The following SEC14L2 variants were observed in gnomAD, a reference collection of about 807,000 sequenced individuals.
SEC14L2 encodes SEC14-like protein 2.
SEC14L2 carries 50 observed loss-of-function variants against 56.9 expected under a neutral mutation model. That is an observed-to-expected ratio of 0.88 (90% CI 0.70 to 1.11). SEC14L2 has a LOEUF of 1.11. Among genes scored for constraint, SEC14L2 ranks in the 50% most tolerant of loss-of-function variants. The pLI is 0.00. For missense variants in SEC14L2, 414 were observed against 500.7 expected (o/e 0.83, Z 1.65); for synonymous variants, 179 against 188.5 (o/e 0.95, Z 0.41).
intron 8 of SEC14L2, among the ~76,000 whole-genome samples, chr22:30,413,200 A>G (rs961991551): frequency 1.4e-4 from 22 of 152,222 alleles, no homozygotes; most frequent in Non-Finnish European, 1.5e-5. Flanking sequence ...GCTCAAGAGC[A>G]GGCAGAGAAA....
In SEC14L2 at chr22:30,397,096, C is replaced by T. The variant is rs1409843679; in HGVS notation, c.-21C>T. 3 of 1,547,656 alleles carry T rather than the reference C, an allele frequency of 1.9e-6. No individual in the cohort carries two copies. The highest frequency in any genetic ancestry group is 2.8e-5 in the African/African-American group (2 of 72,588). On this transcript the variant is annotated 5_prime_UTR_variant, in exon 1 of 12. Transcript: ENST00000615189. ...CCCGCCGCCTCCCGCCCCCAAACCC[C>T]ATCCCCGCGGTTGAGCCACGATGAG...
rs780764888 is a variant in SEC14L2 at position 30,409,179 on chromosome 22, C to G, written c.424-8C>G. 1.2e-6 allele frequency: 2 copies of G among 1,613,028 alleles called. No individual in the cohort carries two copies. The highest frequency in any genetic ancestry group is 2.2e-5 in the South Asian group (2 of 91,066). On this transcript the variant is annotated splice_region_variant and splice_polypyrimidine_tract_variant and intron_variant, in intron 5 of 11. Transcript: ENST00000615189. ...CTGACAAGACTTCCTGCTCTCTGTTCCCTGCAGTTGGGGAGGAAGGTGGAG... is the reference window on the plus strand; with the variant it reads ...CTGACAAGACTTCCTGCTCTCTGTTGCCTGCAGTTGGGGAGGAAGGTGGAG...
chr22:30,422,485 C>A lies in SEC14L2; in HGVS notation c.*78C>A. On this transcript the variant is annotated 3_prime_UTR_variant, in exon 12 of 12. Transcript: ENST00000615189. The stretch of plus-strand genomic sequence containing the variant: ...ACCCCTTGTAGCAGTCATTTTCGCA[C>A]AACCCTGAAGCCCAAAGAAACTGGG... 1 of 1,574,894 alleles carries A rather than the reference C, an allele frequency of 6.3e-7. No homozygotes were observed. The highest frequency in any genetic ancestry group is 8.6e-7 in the Non-Finnish European group (1 of 1,156,788).
intron 4 of SEC14L2, 106 bp from the exon 5 acceptor site, chr22:30,407,309 G>C: frequency 6.9e-7 from 1 of 1,457,460 alleles, no homozygotes; most frequent in Non-Finnish European, 9.5e-7. Context: ...TGGTACCCAG[G>C]AGAGGGAGGT....
At chr22:30,402,805 A>G (rs1363231438) in intron 2 of SEC14L2, among the ~76,000 whole-genome samples, 3 of 151,644 alleles carry the variant, frequency 2.0e-5, no homozygotes, top group African/African-American at 7.3e-5. Context: ...AAGGCCTGGC[A>G]TGGTGGTTCA....
intron 8 of SEC14L2, 117 bp downstream of exon 8, chr22:30,410,796 C>A: frequency 1.1e-6 from 1 of 908,334 alleles, no homozygotes; most frequent in Non-Finnish European, 1.8e-6. Flanking sequence ...AGTTTGGGAG[C>A]AGTGGGACCC....
intron 11 of SEC14L2, among the ~76,000 whole-genome samples, chr22:30,417,178 T>C (rs551991221): frequency 3.0e-4 from 45 of 152,312 alleles, no homozygotes; most frequent in African/African-American, 1.0e-3. Flanking sequence ...CAAATAAGCA[T>C]GAAACACAGC....
chr22:30,404,394 T>G (rs1417025601), intron 2 of SEC14L2, among the ~76,000 whole-genome samples: 2 of 152,128 alleles, frequency 1.3e-5, no homozygotes, highest in Admixed American at 1.3e-4. Flanking sequence ...AAGGGACTGA[T>G]TTTCATAACG....
At chr22:30,413,703 T>C (rs1934313054) in intron 8 of SEC14L2, among the ~76,000 whole-genome samples, 1 of 152,100 alleles carries the variant, frequency 6.6e-6, no homozygotes, top group African/African-American at 2.4e-5. Flanking sequence ...ATTTTCCAAA[T>C]GTATGCTAGT....
At chr22:30,397,486 G>A in intron 1 of SEC14L2, 1 of 395,268 alleles carries the variant, frequency 2.5e-6, no homozygotes, top group Non-Finnish European at 4.5e-6. Context: ...CCTCGGGACT[G>A]GCAGCCGGGC....
chr22:30,415,974 G>T lies in SEC14L2; in HGVS notation c.798G>T (p.Arg266Ser). Residue 266 changes from arginine to serine, a missense_variant, in exon 10 of 12, where the codon AGG becomes AGT. Physicochemically the swap from Arg to Ser is moderately radical, Grantham distance 110. Transcript: ENST00000615189. ...TCAACTACGGGGGTGACATCCCCAG[G>T]AAGTATTATGTGCGAGACCAGGTGA... ...SKINYGGDIP[R>S]KYYVRDQVKQ... 1 of 1,614,198 alleles carries T rather than the reference G, an allele frequency of 6.2e-7. No individual in the cohort carries two copies. Among genetic ancestry groups the T allele is most frequent in the Non-Finnish European group, 8.5e-7 (1 of 1,180,022 alleles).
At position 30,399,743 on chromosome 22, in the gene SEC14L2, G is replaced by C. The variant is rs369512099; in HGVS notation, c.130+25G>C. ...GGTGAGGGAAGAGGGGCTGCGGGAGGCTGGGGCAGGGGCTTGTTCTGGGCA... is the reference window on the plus strand; with the variant it reads ...GGTGAGGGAAGAGGGGCTGCGGGAGCCTGGGGCAGGGGCTTGTTCTGGGCA... On this transcript the variant is annotated intron_variant, in intron 2 of 11. Coordinates refer to ENST00000615189, the MANE Select transcript of SEC14L2 (RefSeq NM_012429.5). The C allele has an allele frequency of 8.1e-6, 13 of 1,602,786 alleles. No homozygotes were observed. The African/African-American group carries it at 1.7e-4, about 21-fold the overall frequency.
chr22:30,419,944 TTTCTTTTC>T (rs1023500368), intron 11 of SEC14L2, among the ~76,000 whole-genome samples: 2 of 151,528 alleles, frequency 1.3e-5, no homozygotes, highest in African/African-American at 4.8e-5. Flanking sequence ...CTTTTTTTCT[TTTCTTTTC>T]TTTTCTTTTT....
chr22:30,397,499 T>TGGGGCA (rs201300932), intron 1 of SEC14L2: 40 of 370,614 alleles, frequency 1.1e-4, no homozygotes, highest in East Asian at 1.7e-4. Flanking sequence ...AGCCGGGCCC[T>TGGGGCA]GGGGCAGGGG....
chr22:30,413,844 A>ATTCTTTT (rs890526863), intron 8 of SEC14L2, among the ~76,000 whole-genome samples: 3 of 150,356 alleles, frequency 2.0e-5, no homozygotes, highest in African/African-American at 7.3e-5. Context: ...CCACAAAAGC[A>ATTCTTTT]TTCTTTTTTC....
chr22:30,397,354 A>G (rs1201259883), intron 1 of SEC14L2, among the ~76,000 whole-genome samples, 184 bp downstream of exon 1: 1 of 152,180 alleles, frequency 6.6e-6, no homozygotes, highest in South Asian at 2.1e-4. Context: ...GCCACCCTCG[A>G]GGTCCCAGGA....
rs1934119095 is a variant in SEC14L2, at chr22:30,407,159, G to C, written c.234+5G>C. On this transcript the variant is annotated splice_donor_5th_base_variant and intron_variant, in intron 4 of 11. Coordinates refer to ENST00000615189, the MANE Select transcript of SEC14L2 (RefSeq NM_012429.5). ...ATTAGCTGGCAGCCTCCAGAGGTGA[G>C]CACAAATTATCCCACCTCATCCCTA... 4 of 1,613,938 alleles carry C rather than the reference G, an allele frequency of 2.5e-6. No individual in the cohort carries two copies. Among genetic ancestry groups the C allele is most frequent in the Non-Finnish European group, 3.4e-6 (4 of 1,179,938 alleles).
At chr22:30,404,846 G>C (rs1013816407) in intron 2 of SEC14L2, among the ~76,000 whole-genome samples, 1 of 152,142 alleles carries the variant, frequency 6.6e-6, no homozygotes, top group East Asian at 1.9e-4. Context: ...CAGGCGGGTG[G>C]ATCACCTGAA....
At chr22:30,407,950 G>A (rs1934145335) in intron 5 of SEC14L2, among the ~76,000 whole-genome samples, 1 of 151,944 alleles carries the variant, frequency 6.6e-6, no homozygotes, top group Admixed American at 6.6e-5. Context: ...TGCCATGTAA[G>A]GACTTTAAAA....
Sources: gnomAD v4.1 joint callset for allele counts (sites outside exome capture counted in the v4.1 genomes callset) on GRCh38, gnomAD v4.1.1 for gene constraint, MANE v1.5 for transcripts, NCBI Gene and HGNC (gene_info 2026-07-23, HGNC 2026-07-21) for gene names.